The following MYO1H variants were observed in gnomAD, a reference collection of about 807,000 sequenced individuals.
The protein encoded by MYO1H is myosin IH.
Under a neutral mutation model 149.3 loss-of-function variants are expected in MYO1H, and 118 were observed. That is an observed-to-expected ratio of 0.79 (90% confidence interval 0.68 to 0.92). The LOEUF is 0.92. Ranked by LOEUF, MYO1H falls within the 40% of genes least tolerant of loss-of-function variation. The probability of loss-of-function intolerance (pLI) is 0.00; values close to 1 mark genes in which losing one functional copy is unlikely to be tolerated. For synonymous variants in MYO1H, 447 were observed against 465.2 expected, an observed-to-expected ratio of 0.96 and a Z score of 0.50; for missense variants, 1,212 against 1,280.7, an observed-to-expected ratio of 0.95 and a Z score of 0.82.
At position 109,397,757 on chromosome 12, in the gene MYO1H, G is replaced by A. The variant is rs201793413; in HGVS notation, c.515G>A (p.Arg172Gln). 7.6e-5 allele frequency: 123 copies of A among 1,611,986 alleles called. No homozygotes were observed. Among genetic ancestry groups the A allele is most frequent in the Admixed American group, 1.3e-4 (8 of 59,752 alleles). Residue 172 changes from arginine to glutamine, a missense_variant, in exon 5 of 32, where the codon CGG becomes CAG. Arg to Gln is a conservative substitution (Grantham distance 43). Coordinates refer to ENST00000310903, the Ensembl canonical transcript of MYO1H. Reference sequence around the variant, plus strand: ...GCTTTTGGAAATGCCAGAACGCTCCGGAATGACAACTCCAGCAGATTTGGG... The same window carrying A: ...GCTTTTGGAAATGCCAGAACGCTCCAGAATGACAACTCCAGCAGATTTGGG...
chr12:109,397,723 T>C lies in MYO1H; in HGVS notation c.490-9T>C. 3.1e-6 allele frequency: 5 copies of C among 1,608,114 alleles called. No individual in the cohort carries two copies. Among genetic ancestry groups the C allele is most frequent in the Non-Finnish European group, 4.2e-6 (5 of 1,176,984 alleles). The stretch of plus-strand genomic sequence containing the variant: ...TTAAATGACAGTGAATGACACTTTG[T>C]ATTCCAAGGCTTTTGGAAATGCCAG... On this transcript the variant is annotated splice_polypyrimidine_tract_variant and intron_variant, in intron 4 of 31. Coordinates refer to ENST00000310903, the Ensembl canonical transcript of MYO1H.
rs748381315 is a variant in MYO1H at position 109,444,483 on chromosome 12, G to A, written c.2947G>A (p.Val983Ile). 9 of 1,613,872 alleles carry A rather than the reference G, an allele frequency of 5.6e-6. No individual in the cohort carries two copies. In the East Asian group the frequency reaches 8.9e-5, roughly 16 times the overall value. ...CGTGTTTGAAGCAGTTACTAAACTC[G>A]TCATGCTGGTTAAGAAGGAGAACAT... The change falls in exon 30 of 32, where the codon GTC becomes ATC. Residue 983 changes from valine (V) to isoleucine (I), a missense_variant. By Grantham distance (29) the Val-to-Ile change is conservative. Transcript: ENST00000310903.
At chr12:109,407,795 T>A in exon 10 of MYO1H, 1 of 1,613,752 alleles carries the variant, frequency 6.2e-7, no homozygotes, top group South Asian at 1.1e-5. Flanking sequence ...TCTTTTCAGG[T>A]GATCTGCCCG....
At chr12:109,325,517 C>T in the MYO1H span, among the ~76,000 whole-genome samples, 12 of 152,260 alleles carry the variant, frequency 7.9e-5, no homozygotes, top group Middle Eastern at 6.8e-3. Context: ...TCAGGACATA[C>T]GCATAGGCAA....
intron 19 of MYO1H, 37 bp downstream of exon 19, chr12:109,427,623 T>C: frequency 1.4e-6 from 2 of 1,380,092 alleles, no homozygotes; most frequent in Admixed American, 1.7e-5. Context: ...CCAATAGTCA[T>C]GTGCCTACTA....
chr12:109,440,642 A>G, intron 24 of MYO1H, 102 bp from the exon 25 acceptor site: 1 of 829,296 alleles, frequency 1.2e-6, no homozygotes. Context: ...GCTTGAAATC[A>G]AACTGAATTC....
chr12:109,399,793 T>TA (rs1309508413), intron 5 of MYO1H, among the ~76,000 whole-genome samples: 2 of 152,030 alleles, frequency 1.3e-5, no homozygotes, highest in Non-Finnish European at 2.9e-5. Context: ...TGCATGCCTA[T>TA]AGTCCCAGTT....
chr12:109,400,806 CT>C (rs1377007165), intron 5 of MYO1H, among the ~76,000 whole-genome samples: 1 of 152,158 alleles, frequency 6.6e-6, no homozygotes, highest in African/African-American at 2.4e-5. Context: ...ACCACTACCC[CT>C]CTGCATATAC....
chr12:109,324,158 C>T, the MYO1H span, among the ~76,000 whole-genome samples: 5 of 152,142 alleles, frequency 3.3e-5, no homozygotes, highest in Non-Finnish European at 7.3e-5. Context: ...TCATGCCTGG[C>T]TCCTGGACTC....
At chr12:109,371,310 G>A (rs192549807) in intron 1 of MYO1H, among the ~76,000 whole-genome samples, 97 of 144,670 alleles carry the variant, frequency 6.7e-4, no homozygotes, top group Non-Finnish European at 1.2e-3. Context: ...CTACCTCCCC[G>A]GGCTCAGATG....
chr12:109,436,460 TTCACCAA>T, intron 21 of MYO1H, 21 bp from the exon 22 acceptor site: 1 of 1,578,462 alleles, frequency 6.3e-7, no homozygotes, highest in Non-Finnish European at 8.7e-7. Context: ...GCAAAGCCAT[TTCACCAA>T]AACGTCTGTT....
At chr12:109,347,289 G>A (rs548673750), upstream of MYO1H, among the ~76,000 whole-genome samples, 1 of 152,248 alleles carries the variant, frequency 6.6e-6, no homozygotes, top group African/African-American at 2.4e-5. Context: ...ACCAGGAAGG[G>A]GTGAACTCTG....
chr12:109,347,268 A>T (rs2048106063), upstream of MYO1H, among the ~76,000 whole-genome samples: 1 of 152,150 alleles, frequency 6.6e-6, no homozygotes, highest in African/African-American at 2.4e-5. Flanking sequence ...ACTTTATACG[A>T]TGAGGCCCAG....
In MYO1H at chr12:109,396,220, G is replaced by A. The variant is rs564199957; in HGVS notation, c.291-164G>A. Among the ~76,000 whole-genome samples, 13 of 152,222 alleles carry A rather than the reference G, an allele frequency of 8.5e-5. No homozygotes were observed. In the South Asian group the frequency reaches 1.2e-3, roughly 15 times the overall value. ...TTACAAGCATGAGCCACTGTGCCCC[G>A]CCTATGGAAAGGGTTTGATATGTGT... is the stretch of plus-strand genomic sequence containing the variant. On this transcript the variant is annotated intron_variant, in intron 3 of 31. Transcript: ENST00000310903.
intron 2 of MYO1H, among the ~76,000 whole-genome samples, chr12:109,391,546 G>T (rs1869654957): frequency 6.6e-6 from 1 of 152,134 alleles, no homozygotes; most frequent in Non-Finnish European, 1.5e-5. Context: ...GAACACACGT[G>T]TACATGTATC....
intron 14 of MYO1H, among the ~76,000 whole-genome samples, chr12:109,415,306 C>T (rs1455654912): frequency 1.3e-5 from 2 of 152,000 alleles, no homozygotes; most frequent in East Asian, 3.9e-4. Flanking sequence ...GAAACTCCAT[C>T]TCTACTAAAA....
chr12:109,426,197 A>G (rs1228306435), intron 18 of MYO1H, 146 bp downstream of exon 18: 1 of 673,920 alleles, frequency 1.5e-6, no homozygotes, highest in Non-Finnish European at 2.7e-6. Context: ...AAATGATAGA[A>G]GTTGGCCAGA....
intron 2 of MYO1H, among the ~76,000 whole-genome samples, chr12:109,391,243 C>A (rs1159038271): frequency 6.6e-6 from 1 of 152,036 alleles, no homozygotes; most frequent in African/African-American, 2.4e-5. Context: ...CCGCAACAAG[C>A]CCCAATGGGT....
chr12:109,376,709 C>T (rs556762589), intron 1 of MYO1H, among the ~76,000 whole-genome samples: 1 of 152,176 alleles, frequency 6.6e-6, no homozygotes, highest in Non-Finnish European at 1.5e-5. Context: ...TACAGTATGG[C>T]TTGGTAACTA....
Sources: allele counts gnomAD v4.1 joint callset (sites outside exome capture counted in the v4.1 genomes callset), GRCh38; gene constraint gnomAD v4.1.1; transcripts MANE v1.5; gene names NCBI Gene and HGNC (gene_info 2026-07-23, HGNC 2026-07-21).